The following FRMPD1 variants were observed in gnomAD, a reference collection of about 807,000 sequenced individuals.
FRMPD1 encodes the protein FERM and PDZ domain-containing protein 1.
In FRMPD1, 76 loss-of-function variants were observed where a neutral mutation model predicts 117.8. That is an observed-to-expected ratio of 0.65 (90% confidence interval 0.54 to 0.78). The LOEUF (loss-of-function observed/expected upper bound fraction) is 0.78, where lower values mean the gene tolerates loss of function less well. FRMPD1 is among the 30% of genes least tolerant of loss of function. FRMPD1 has a pLI of 0.00. For synonymous variants in FRMPD1, 783 were observed against 770.4 expected (o/e 1.02, Z -0.27); for missense variants, 1,786 against 1,964.5 (o/e 0.91, Z 1.72).
At chr9:37,686,515 A>C (rs1821954114) in intron 1 of FRMPD1, among the ~76,000 whole-genome samples, 1 of 152,192 alleles carries the variant, frequency 6.6e-6, no homozygotes, top group South Asian at 2.1e-4. Flanking sequence ...TTAGCAGGTC[A>C]TTCTCTTGAC....
rs1824604061 is a variant in FRMPD1 at position 37,744,754 on chromosome 9, C to T, written c.2722C>T (p.Leu908=). 1.2e-6 allele frequency: 2 copies of T among 1,614,128 alleles called. No individual in the cohort carries two copies. The highest frequency in any genetic ancestry group is 3.3e-4 in the Middle Eastern group (2 of 6,062). ...ETKALGLLAP[L]RETKSTNPAS... ...CAAGGCCTTGGGGCTGCTGGCTCCTCTGAGGGAGACCAAGAGCACAAACCC... is the reference window on the plus strand; with the variant it reads ...CAAGGCCTTGGGGCTGCTGGCTCCTTTGAGGGAGACCAAGAGCACAAACCC... Residue 908 remains leucine (L), a synonymous_variant, in exon 16 of 16, where the codon CTG becomes TTG. Coordinates refer to ENST00000377765, the MANE Select transcript of FRMPD1 (RefSeq NM_014907.3).
intron 13 of FRMPD1, among the ~76,000 whole-genome samples, chr9:37,736,774 G>A (rs2118441207): frequency 6.6e-6 from 1 of 152,166 alleles, no homozygotes; most frequent in African/African-American, 2.4e-5. Flanking sequence ...ATGGCGCTGG[G>A]GTAGAGGATG....
Position 37,717,385 on chromosome 9 carries a change from T to A in FRMPD1, c.409-1684T>A, listed in dbSNP as rs1474024733. ...TGTGTGTGTGTATATATATATATTT[T>A]TTTTTTTTTTTTGAGATGTAGTCTT... On this transcript the variant is annotated intron_variant, in intron 5 of 15. Coordinates refer to ENST00000377765, the MANE Select transcript of FRMPD1 (RefSeq NM_014907.3). Among the ~76,000 whole-genome samples the A allele has an allele frequency of 4.3e-3, 445 of 102,940 alleles. 7 individuals carry two copies. The highest frequency in any genetic ancestry group is 0.016 in the African/African-American group (378 of 24,034). 67.5% of individuals were successfully genotyped at this position (102,940 alleles called of 152,430 possible). A position where few individuals can be genotyped will look rare whatever the true frequency, so the allele number is the denominator to read the frequency against.
At chr9:37,736,063 C>T (rs60475925) in intron 13 of FRMPD1, among the ~76,000 whole-genome samples, 3,604 of 150,400 alleles carry the variant, frequency 0.024, 145 homozygotes, top group African/African-American at 0.083. Flanking sequence ...GGCAGTGACA[C>T]GATCTTGGCT....
At chr9:37,734,481 A>G (rs1824032630) in intron 12 of FRMPD1, among the ~76,000 whole-genome samples, 1 of 150,514 alleles carries the variant, frequency 6.6e-6, no homozygotes, top group Admixed American at 6.7e-5. Context: ...CTAGGCCTAG[A>G]GCTTGTGCCT....
Position 37,745,492 on chromosome 9 carries a change from G to A in FRMPD1, c.3460G>A (p.Ala1154Thr). The A allele has an allele frequency of 1.2e-6, 2 of 1,614,126 alleles. No homozygotes were observed. The highest frequency in any genetic ancestry group is 1.3e-5 in the African/African-American group (1 of 75,040). The change falls in exon 16 of 16, where the codon GCT becomes ACT. Residue 1154 changes from alanine (A) to threonine (T), a missense_variant. Transcript: ENST00000377765. ...ACAGACTCTTGATATTAGCTCTCCA[G>A]CTGGTAAAATAGTAACCTCCCTTTC... ...VSQTLDISSP[A>T]GKIVTSLSLD...
chr9:37,671,459 G>A (rs939644659), intron 1 of FRMPD1, among the ~76,000 whole-genome samples: 3 of 152,144 alleles, frequency 2.0e-5, no homozygotes, highest in African/African-American at 7.2e-5. Flanking sequence ...CATTCAATGA[G>A]TATTTAGTGA....
At chr9:37,618,474 C>T in the FRMPD1 span, among the ~76,000 whole-genome samples, 1 of 152,114 alleles carries the variant, frequency 6.6e-6, no homozygotes, top group Non-Finnish European at 1.5e-5. Flanking sequence ...TTTTCTCATC[C>T]ACAATCCATA....
the FRMPD1 span, among the ~76,000 whole-genome samples, chr9:37,609,942 G>A: frequency 2.2e-4 from 33 of 152,280 alleles, no homozygotes; most frequent in African/African-American, 7.9e-4. Flanking sequence ...CACAGGCTTT[G>A]GAGCTGCCTC....
At chr9:37,730,431 A>C (rs114203641) in intron 8 of FRMPD1, among the ~76,000 whole-genome samples, 12 of 152,352 alleles carry the variant, frequency 7.9e-5, no homozygotes, top group African/African-American at 2.9e-4. Context: ...GTTGGAAATG[A>C]GTAATACATA....
rs376402611 is a variant in FRMPD1 at position 37,719,071 on chromosome 9, A to G, written c.411A>G (p.Gly137=). Residue 137 remains glycine, a splice_region_variant and synonymous_variant, in exon 6 of 16, where the codon GGA becomes GGG. Transcript: ENST00000377765. ...TGCATCATGTTACTGTTTTTCAGGG[A>G]GTCCCTAAATCGTCCTTCCTGACCG... ...LSITVVRCTS[G]VPKSSFLTEE... is the part of the protein sequence containing the mutation. 6.3e-7 allele frequency: 1 copy of G among 1,588,798 alleles called. No homozygotes were observed. The highest frequency in any genetic ancestry group is 8.6e-7 in the Non-Finnish European group (1 of 1,156,848).
At chr9:37,640,414 C>T in the FRMPD1 span, among the ~76,000 whole-genome samples, 1 of 152,188 alleles carries the variant, frequency 6.6e-6, no homozygotes, top group African/African-American at 2.4e-5. Flanking sequence ...CTGAAATTCC[C>T]TCTGGAGCTG....
the FRMPD1 span, among the ~76,000 whole-genome samples, chr9:37,626,313 A>G: frequency 6.6e-6 from 1 of 151,860 alleles, no homozygotes; most frequent in Non-Finnish European, 1.5e-5. Context: ...TGTGCGACAG[A>G]GCGAGACTCC....
rs556778195 is a variant in FRMPD1, at chr9:37,743,707, T to C, written c.2357-682T>C. 3.1e-3 allele frequency among the ~76,000 whole-genome samples: 465 copies of C among 151,556 alleles called. 4 individuals carry two copies. Among genetic ancestry groups the C allele is most frequent in the Middle Eastern group, 0.01 (3 of 294 alleles). On this transcript the variant is annotated intron_variant, in intron 15 of 15. Coordinates refer to ENST00000377765, the MANE Select transcript of FRMPD1 (RefSeq NM_014907.3). ...TTGAGATGCTGTGACCAAAAGATAA[T>C]TAAATGGATCTTAGGCATCCAAAAA...
In FRMPD1 at chr9:37,686,092, G is replaced by T. The variant is rs115562124; in HGVS notation, c.-4-6546G>T. Among the ~76,000 whole-genome samples the T allele has an allele frequency of 6.6e-3, 1,006 of 152,302 alleles. 10 individuals are homozygous for T. Among genetic ancestry groups the T allele is most frequent in the African/African-American group, 0.023 (968 of 41,540 alleles). ...AACCAGAATTGTGTTCAATTTGAGG[G>T]TCCATGCCTTTTAAGATATTTTTCC... On this transcript the variant is annotated intron_variant, in intron 1 of 15. Coordinates refer to ENST00000377765, the MANE Select transcript of FRMPD1 (RefSeq NM_014907.3).
At chr9:37,632,973 A>C in the FRMPD1 span, among the ~76,000 whole-genome samples, 22,856 of 146,768 alleles carry the variant, frequency 0.16, 2,509 homozygotes, top group East Asian at 0.58. Flanking sequence ...TTCTTTCTAC[A>C]TATATTATAT....
chr9:37,660,684 A>G (rs1820975475), intron 1 of FRMPD1, among the ~76,000 whole-genome samples: 1 of 152,218 alleles, frequency 6.6e-6, no homozygotes, highest in Non-Finnish European at 1.5e-5. Context: ...TATCTGGGAT[A>G]TCTTTTCCAG....
At chr9:37,616,781 G>C in the FRMPD1 span, among the ~76,000 whole-genome samples, 1 of 152,126 alleles carries the variant, frequency 6.6e-6, no homozygotes, top group Non-Finnish European at 1.5e-5. Context: ...TAGAACAACA[G>C]GATTAGACAG....
In FRMPD1 at chr9:37,745,740, G is replaced by A; in HGVS notation, c.3708G>A (p.Gly1236=). 6.2e-7 allele frequency: 1 copy of A among 1,614,176 alleles called. No individual in the cohort carries two copies. ...IKAEAPNHVT[G]QDIAPRDSPE... ...CAGAGGCACCTAACCATGTGACAGG[G>A]CAAGATATAGCCCCTAGGGACAGCC... Residue 1236 remains glycine (G), a synonymous_variant, in exon 16 of 16, where the codon GGG becomes GGA. Transcript: ENST00000377765.
Sources: gnomAD v4.1 joint callset for allele counts (sites outside exome capture counted in the v4.1 genomes callset) on GRCh38, gnomAD v4.1.1 for gene constraint, MANE v1.5 for transcripts, NCBI Gene and HGNC (gene_info 2026-07-23, HGNC 2026-07-21) for gene names.